The following TRIM14 variants were observed in gnomAD, a reference collection of about 807,000 sequenced individuals.
TRIM14 encodes tripartite motif containing 14.
TRIM14 carries 28 observed loss-of-function variants against 44.5 expected under a neutral mutation model. The ratio of observed to expected loss-of-function variants is 0.63; its 90% CI spans 0.47 to 0.86. The LOEUF (loss-of-function observed/expected upper bound fraction) is 0.86, where lower values mean the gene tolerates loss of function less well. Among genes scored for constraint, TRIM14 ranks in the 40% least tolerant of loss-of-function variants. The probability of loss-of-function intolerance (pLI) is 0.00; values close to 1 mark genes in which losing one functional copy is unlikely to be tolerated. For missense variants in TRIM14, 607 were observed against 611.1 expected, an observed-to-expected ratio of 0.99 and a Z score of 0.07; for synonymous variants, 299 against 269.2, an observed-to-expected ratio of 1.11 and a Z score of -1.08.
intron 1 of TRIM14, among the ~76,000 whole-genome samples, chr9:98,116,389 T>C (rs1827054408): frequency 6.6e-6 from 1 of 151,698 alleles, no homozygotes; most frequent in East Asian, 1.9e-4. Flanking sequence ...CCCGACCTTG[T>C]GGTAAGAAAA....
At chr9:98,111,056 C>G (rs12376217) in intron 1 of TRIM14, among the ~76,000 whole-genome samples, 13,725 of 150,574 alleles carry the variant, frequency 0.091, 806 homozygotes, top group Non-Finnish European at 0.13. Flanking sequence ...TGTCCCCCCC[C>G]CCAAAAAAAA....
intron 5 of TRIM14, among the ~76,000 whole-genome samples, chr9:98,090,499 AAT>A (rs1401491254): frequency 6.6e-6 from 1 of 152,190 alleles, no homozygotes; most frequent in African/African-American, 2.4e-5. Flanking sequence ...GTGGTTACAA[AAT>A]ATGTTTCCTT....
chr9:98,036,364 G>C, the TRIM14 span, among the ~76,000 whole-genome samples: 2 of 151,934 alleles, frequency 1.3e-5, no homozygotes, highest in Non-Finnish European at 2.9e-5. Flanking sequence ...AGCCAGGCCT[G>C]GTGGCATGTG....
intron 6 of TRIM14, among the ~76,000 whole-genome samples, chr9:98,071,378 T>A (rs1301999145): frequency 6.6e-6 from 1 of 152,262 alleles, no homozygotes; most frequent in African/African-American, 2.4e-5. Context: ...TAAGTTTGAA[T>A]ATGGCTCTGC....
In TRIM14 at chr9:98,087,995, C is replaced by G; in HGVS notation, c.804G>C (p.Thr268=). The change falls in exon 6 of 6, where the codon ACG becomes ACC. Residue 268 remains threonine, a synonymous_variant. Transcript: ENST00000341469. ...ERSLLLKYAR[T]PTLDPDTMHA... ...GCATCGTGTCAGGATCCAGCGTGGG[C>G]GTGCGCGCGTCTGCAGGGGGCGAGA... is the stretch of plus-strand genomic sequence containing the variant. 6.5e-7 allele frequency: 1 copy of G among 1,543,540 alleles called. No homozygotes were observed. The highest frequency in any genetic ancestry group is 2.6e-5 in the East Asian group (1 of 39,122).
At position 98,087,971 on chromosome 9, in the gene TRIM14, C is replaced by A. The variant is rs1825855031; in HGVS notation, c.828G>T (p.Met276Ile). 6.4e-7 allele frequency: 1 copy of A among 1,560,566 alleles called. No individual in the cohort carries two copies. Among genetic ancestry groups the A allele is most frequent in the African/African-American group, 1.4e-5 (1 of 70,772 alleles). ...ARTPTLDPDTMHARLRLSADR... is the reference protein window; with the variant it reads ...ARTPTLDPDTIHARLRLSADR... ...CGGCGGACAGGCGCAGGCGCGCGTGCATCGTGTCAGGATCCAGCGTGGGCG... is the reference window on the plus strand; with the variant it reads ...CGGCGGACAGGCGCAGGCGCGCGTGAATCGTGTCAGGATCCAGCGTGGGCG... Residue 276 changes from methionine (M) to isoleucine (I), a missense_variant, in exon 6 of 6, where the codon ATG becomes ATT. Coordinates refer to ENST00000341469, the MANE Select transcript of TRIM14 (RefSeq NM_014788.4).
the TRIM14 span, chr9:98,061,074 A>G: frequency 7.1e-7 from 1 of 1,401,170 alleles, no homozygotes; most frequent in Non-Finnish European, 1.0e-6. Flanking sequence ...CTTCCGGCTT[A>G]GGGCCACCTC....
the TRIM14 span, among the ~76,000 whole-genome samples, chr9:98,042,554 T>C: frequency 6.6e-6 from 1 of 152,140 alleles, no homozygotes; most frequent in Non-Finnish European, 1.5e-5. Context: ...TTACCTATAA[T>C]GTTAAAGTCA....
chr9:98,046,856 T>TC, the TRIM14 span, among the ~76,000 whole-genome samples: 3,705 of 152,346 alleles, frequency 0.024, 76 homozygotes, highest in Non-Finnish European at 0.038. Context: ...TTGTACTCTT[T>TC]GCTGACAGCT....
chr9:98,052,250 C>T, the TRIM14 span, among the ~76,000 whole-genome samples: 3 of 151,948 alleles, frequency 2.0e-5, no homozygotes, highest in Admixed American at 6.6e-5. Context: ...CCCCAGGAGT[C>T]CCAGGCTGTT....
intron 1 of TRIM14, among the ~76,000 whole-genome samples, chr9:98,113,436 C>A (rs1385696328): frequency 2.0e-5 from 3 of 152,114 alleles, no homozygotes; most frequent in Non-Finnish European, 4.4e-5. Flanking sequence ...CTCACTGCAG[C>A]CTTGACCTCC....
At chr9:98,092,086 A>AT (rs1826014909) in intron 4 of TRIM14, 85 bp from the exon 5 acceptor site, 2 of 1,026,510 alleles carry the variant, frequency 1.9e-6, no homozygotes, top group East Asian at 5.2e-5. Flanking sequence ...ACAACTGGAG[A>AT]TTCGCATAAT....
downstream of TRIM14, chr9:98,080,978 C>CCTGGAGAA (rs1250233577): frequency 6.2e-7 from 1 of 1,614,070 alleles, no homozygotes; most frequent in Admixed American, 1.7e-5. Context: ...CTCGCTGGAG[C>CCTGGAGAA]CTGGAGAACT....
chr9:98,064,165 A>C, the TRIM14 span, among the ~76,000 whole-genome samples: 1 of 152,182 alleles, frequency 6.6e-6, no homozygotes, highest in Non-Finnish European at 1.5e-5. Context: ...TTCAGGCTAC[A>C]CTTCTGTAGA....
intron 5 of TRIM14, among the ~76,000 whole-genome samples, chr9:98,089,245 C>G (rs957401548): frequency 3.3e-5 from 5 of 151,806 alleles, no homozygotes; most frequent in African/African-American, 7.3e-5. Flanking sequence ...GGTGTGATCT[C>G]GACTCACTGC....
chr9:98,083,075 G>A, downstream of TRIM14: 1 of 1,610,052 alleles, frequency 6.2e-7, no homozygotes, highest in East Asian at 2.2e-5. Context: ...GCCATTCTCT[G>A]AATTCTCAGT....
the TRIM14 span, among the ~76,000 whole-genome samples, chr9:98,044,947 T>C: frequency 1.3e-5 from 2 of 151,984 alleles, no homozygotes; most frequent in Non-Finnish European, 2.9e-5. Flanking sequence ...ACCCTGTCTC[T>C]ATTAAAACAC....
chr9:98,092,326 A>G (rs1201514445), intron 4 of TRIM14, among the ~76,000 whole-genome samples: 1 of 152,246 alleles, frequency 6.6e-6, no homozygotes, highest in Non-Finnish European at 1.5e-5. Flanking sequence ...GGAAGGTCTG[A>G]GTGCTCAGAA....
At chr9:98,115,114 G>A (rs995893005) in intron 1 of TRIM14, among the ~76,000 whole-genome samples, 2 of 151,428 alleles carry the variant, frequency 1.3e-5, no homozygotes, top group South Asian at 4.2e-4. Context: ...TTTTTAGACA[G>A]AGTCTTGCTC....
Sources: gnomAD v4.1 joint callset for allele counts (sites outside exome capture counted in the v4.1 genomes callset) on GRCh38, gnomAD v4.1.1 for gene constraint, MANE v1.5 for transcripts, NCBI Gene and HGNC (gene_info 2026-07-23, HGNC 2026-07-21) for gene names.